Variants in FOXA1 observed in about 807,000 individuals in gnomAD.
FOXA1 encodes the protein hepatocyte nuclear factor 3-alpha.
A neutral mutation model predicts 29.2 loss-of-function variants in FOXA1; 9 were observed. The ratio of observed to expected loss-of-function variants is 0.31; its 90% CI spans 0.19 to 0.54. The LOEUF (loss-of-function observed/expected upper bound fraction) is 0.54. FOXA1 is among the 20% of genes least tolerant of loss of function. FOXA1 has a pLI of 0.95. For missense variants in FOXA1, 644 were observed against 681.2 expected (o/e 0.95, Z 0.61); for synonymous variants, 340 against 300.9 (o/e 1.13, Z -1.34).
Position 37,591,724 on chromosome 14 carries a change from A to T in FOXA1, c.1060T>A (p.Ser354Thr), listed in dbSNP as rs1242955182. The T allele has an allele frequency of 1.3e-6, 2 of 1,578,768 alleles. No individual in the cohort carries two copies. Among genetic ancestry groups the T allele is most frequent in the Admixed American group, 1.8e-5 (1 of 55,574 alleles). Reference sequence around the variant, plus strand: ...GAGCTTATGGGGGGCGCAGTTGAGGAGGCTGGAGTCTTCAACTCCGAGGCG... The same window carrying T: ...GAGCTTATGGGGGGCGCAGTTGAGGTGGCTGGAGTCTTCAACTCCGAGGCG... Reference protein sequence around the residue: ...GGASELKTPASSTAPPISSGP... With the variant: ...GGASELKTPATSTAPPISSGP... Residue 354 changes from serine to threonine, a missense_variant, in exon 2 of 2, where the codon TCC becomes ACC. Physicochemically the swap from Ser to Thr is moderately conservative, Grantham distance 58. Around this residue, in one of 5 missense-constraint regions of FOXA1, gnomAD observed 295 missense variants for 294.4 expected, o/e 1.00. Transcript: ENST00000250448.
rs201764769 is a variant in FOXA1, at chr14:37,591,776, G to A, written c.1008C>T (p.Asp336=). The part of the protein sequence containing the change: ...PGPAASPQTL[D]HSGATATGGA... Reference sequence around the variant, plus strand: ...CCCCTGTCGCCGTCGCCCCACTGTGGTCCAGAGTCTGGGGGCTGGCGGCGG... The same window carrying A: ...CCCCTGTCGCCGTCGCCCCACTGTGATCCAGAGTCTGGGGGCTGGCGGCGG... Residue 336 remains aspartate, a synonymous_variant, in exon 2 of 2, where the codon GAC becomes GAT. Transcript: ENST00000250448. 7.3e-6 allele frequency: 11 copies of A among 1,509,288 alleles called. No individual in the cohort carries two copies. The African/African-American group carries it at 1.4e-4, about 19-fold the overall frequency. 93.5% of individuals were successfully genotyped at this position (1,509,288 alleles called of 1,614,324 possible). A position where few individuals can be genotyped will look rare whatever the true frequency, so the allele number is the denominator to read the frequency against.
Position 37,592,375 on chromosome 14 carries a change from A to G in FOXA1, c.409T>C (p.Cys137Arg), listed in dbSNP as rs1473230450. Residue 137 changes from cysteine (C) to arginine (R), a missense_variant, in exon 2 of 2, where the codon TGC (cysteine) becomes CGC (arginine). Coordinates refer to ENST00000250448, the MANE Select transcript of FOXA1 (RefSeq NM_004496.5). ...GGCGCGTACGCCATGGGGCTCATGC[A>G]CGGGTTCATGGCGGCCGCGTAGGGG... ...LGPYAAAMNP[C>R]MSPMAYAPSN... 2 of 1,603,768 alleles carry G rather than the reference A, an allele frequency of 1.2e-6. No individual in the cohort carries two copies. The highest frequency in any genetic ancestry group is 4.5e-5 in the East Asian group (2 of 44,716).
At chr14:37,592,785 G>C (rs2095597407) in intron 1 of FOXA1, 74 bp from the exon 2 acceptor site, 6 of 1,583,502 alleles carry the variant, frequency 3.8e-6, no homozygotes, top group Non-Finnish European at 4.3e-6. Context: ...CGGCCGTCCG[G>C]GACCTAACCC....
chr14:37,592,463 C>T lies in FOXA1; in HGVS notation c.321G>A (p.Ala107=), dbSNP rs1454423357. ...TAAGVTAMGT[A]LSPSGMGAMG... ...TGGCGCCCATGCCGCTCGGGCTCAG[C>T]GCCGTACCCATGGCCGTCACGCCGG... is the stretch of plus-strand genomic sequence containing the variant. The change falls in exon 2 of 2, where the codon GCG becomes GCA. Residue 107 remains alanine (A), a synonymous_variant. Coordinates refer to ENST00000250448, the MANE Select transcript of FOXA1 (RefSeq NM_004496.5). 1 of 1,605,392 alleles carries T rather than the reference C, an allele frequency of 6.2e-7. No individual in the cohort carries two copies.
chr14:37,590,924 A>G lies in FOXA1; in HGVS notation c.*441T>C, dbSNP rs771564852. The G allele has an allele frequency of 1.1e-5, 4 of 363,950 alleles. No individual in the cohort carries two copies. The highest frequency in any genetic ancestry group is 1.5e-5 in the Non-Finnish European group (3 of 196,402). 22.5% of individuals were successfully genotyped at this position (363,950 alleles called of 1,614,324 possible). On this transcript the variant is annotated 3_prime_UTR_variant, in exon 2 of 2. Coordinates refer to ENST00000250448, the MANE Select transcript of FOXA1 (RefSeq NM_004496.5). ...CTTATGGTTAAGAGTATTGCCACAG[A>G]CCTGTAAACTCGTAGGGGGTCAGGT...
At position 37,592,582 on chromosome 14, in the gene FOXA1, A is replaced by G. The variant is rs2095597116; in HGVS notation, c.202T>C (p.Tyr68His). ...CCGGCCCCTAGGCCCGGGTTGGCATAGGACATGTTGAAGGACGCCGGGGTC... is the reference window on the plus strand; with the variant it reads ...CCGGCCCCTAGGCCCGGGTTGGCATGGGACATGTTGAAGGACGCCGGGGTC... Reference protein sequence around the residue: ...NMTPASFNMSYANPGLGAGLS... With the variant: ...NMTPASFNMSHANPGLGAGLS... The change falls in exon 2 of 2, where the codon TAT becomes CAT. Residue 68 changes from tyrosine to histidine, a missense_variant. Physicochemically the swap from Tyr to His is moderately conservative, Grantham distance 83. This residue lies in a region of FOXA1 where 309 missense variants were observed against 307.0 expected (regional missense o/e 1.01). Transcript: ENST00000250448. The G allele has an allele frequency of 6.2e-7, 1 of 1,614,060 alleles. No individual in the cohort carries two copies. Among genetic ancestry groups the G allele is most frequent in the African/African-American group, 1.3e-5 (1 of 74,936 alleles).
In FOXA1 at chr14:37,592,161, C is replaced by T. The variant is rs2139182380; in HGVS notation, c.623G>A (p.Arg208Gln). 6.2e-7 allele frequency: 1 copy of T among 1,613,518 alleles called. No homozygotes were observed. The highest frequency in any genetic ancestry group is 8.5e-7 in the Non-Finnish European group (1 of 1,179,734). The change falls in exon 2 of 2, where the codon CGG becomes CAG. Residue 208 changes from arginine to glutamine, a missense_variant. Around this residue, in one of 5 missense-constraint regions of FOXA1, gnomAD observed 309 missense variants for 307.0 expected, o/e 1.01. Coordinates refer to ENST00000250448, the MANE Select transcript of FOXA1 (RefSeq NM_004496.5). ...QWIMDLFPYY[R>Q]QNQQRWQNSI... is the part of the protein sequence containing the mutation. ...GTTCTGCCAGCGCTGCTGGTTCTGC[C>T]GGTAATAGGGGAAGAGGTCCATGAT... is the stretch of plus-strand genomic sequence containing the variant.
At chr14:37,594,768 C>G (rs922464543) in intron 1 of FOXA1, 133 bp downstream of exon 1, 13 of 416,342 alleles carry the variant, frequency 3.1e-5, no homozygotes, top group Non-Finnish European at 3.6e-5. Flanking sequence ...CACCGGCGGG[C>G]GGGCAGCGGT....
Position 37,592,306 on chromosome 14 carries a change from T to TGGC in FOXA1, c.475_477dup (p.Ala159dup). On this transcript the variant is annotated inframe_insertion, in exon 2 of 2. Coordinates refer to ENST00000250448, the MANE Select transcript of FOXA1 (RefSeq NM_004496.5). The stretch of plus-strand genomic sequence containing the variant: ...TGCGGGTAGCTGCGCTTGAACGTCT[T>TGGC]GGCGTCGCCGCCGCCGCCCGCGCGG... The TGGC allele has an allele frequency of 6.2e-7, 1 of 1,603,450 alleles. No homozygotes were observed. The highest frequency in any genetic ancestry group is 8.5e-7 in the Non-Finnish European group (1 of 1,175,620).
rs2139183563 is a variant in FOXA1 at position 37,592,470 on chromosome 14, C to T, written c.314G>A (p.Gly105Asp). The change falls in exon 2 of 2, where the codon GGT becomes GAT. Residue 105 changes from glycine to aspartate, a missense_variant. Transcript: ENST00000250448. ...CATGCCGCTCGGGCTCAGCGCCGTA[C>T]CCATGGCCGTCACGCCGGCCGCAGT... is the stretch of plus-strand genomic sequence containing the variant. ...SMTAAGVTAM[G>D]TALSPSGMGA... 1 of 1,607,012 alleles carries T rather than the reference C, an allele frequency of 6.2e-7. No individual in the cohort carries two copies. Among genetic ancestry groups the T allele is most frequent in the Non-Finnish European group, 8.5e-7 (1 of 1,178,932 alleles).
In FOXA1 at chr14:37,591,930, C is replaced by A. The variant is rs1369165182; in HGVS notation, c.854G>T (p.Ser285Ile). The change falls in exon 2 of 2, where the codon AGC becomes ATC. Residue 285 changes from serine to isoleucine, a missense_variant. Physicochemically the swap from Ser to Ile is moderately radical, Grantham distance 142. Around this residue, in one of 5 missense-constraint regions of FOXA1, gnomAD observed 295 missense variants for 294.4 expected, o/e 1.00. Coordinates refer to ENST00000250448, the MANE Select transcript of FOXA1 (RefSeq NM_004496.5). The part of the protein sequence containing the change: ...GGGGGSGSGG[S>I]GAKGGPESRK... ...GCTCTCAGGGCCGCCCTTGGCGCCG[C>A]TGCCCCCGCTTCCGCTCCCGCCCCC... is the stretch of plus-strand genomic sequence containing the variant. 6.7e-7 allele frequency: 1 copy of A among 1,493,100 alleles called. No individual in the cohort carries two copies. Among genetic ancestry groups the A allele is most frequent in the Non-Finnish European group, 8.9e-7 (1 of 1,125,386 alleles). 92.5% of individuals were successfully genotyped at this position (1,493,100 alleles called of 1,614,324 possible).
rs2095593949 is a variant in FOXA1 at position 37,589,691 on chromosome 14, A to C, written c.*1674T>G. Among the ~76,000 whole-genome samples the C allele has an allele frequency of 6.7e-6, 1 of 150,076 alleles. No individual in the cohort carries two copies. The highest frequency in any genetic ancestry group is 2.5e-5 in the African/African-American group (1 of 40,520). On this transcript the variant is annotated 3_prime_UTR_variant, in exon 2 of 2. Coordinates refer to ENST00000250448, the MANE Select transcript of FOXA1 (RefSeq NM_004496.5). ...TTGATTTTGTAGTGAAAAGGCTCAA[A>C]GGAAACACAGAAGGCTTAAGCCGGT...
chr14:37,594,984 C>G lies in FOXA1; in HGVS notation c.-12G>C, dbSNP rs371235829. 148 of 1,577,592 alleles carry G rather than the reference C, an allele frequency of 9.4e-5. 1 individual carries two copies. The highest frequency in any genetic ancestry group is 1.2e-4 in the Non-Finnish European group (137 of 1,156,402). ...ACAGTTCCTAACATCCTGGAGCCAC[C>G]CTGCCCAATACAACCATCCAGCCCT... On this transcript the variant is annotated 5_prime_UTR_variant, in exon 1 of 2. Coordinates refer to ENST00000250448, the MANE Select transcript of FOXA1 (RefSeq NM_004496.5).
Position 37,595,202 on chromosome 14 carries a change from A to T in FOXA1, c.-230T>A, listed in dbSNP as rs1404271040. The T allele has an allele frequency of 5.0e-6, 1 of 198,362 alleles. No individual in the cohort carries two copies. The highest frequency in any genetic ancestry group is 2.4e-5 in the African/African-American group (1 of 41,588). 12.3% of individuals were successfully genotyped at this position (198,362 alleles called of 1,614,324 possible). A position where few individuals can be genotyped will look rare whatever the true frequency, so the allele number is the denominator to read the frequency against. ...CGCCGGGGGCAGGCGGCTGCCGCGG[A>T]GCGCGGCGCCGGGGAGCGCCTCCGC... On this transcript the variant is annotated 5_prime_UTR_variant, in exon 1 of 2. Transcript: ENST00000250448.
In FOXA1 at chr14:37,595,135, C is replaced by A; in HGVS notation, c.-163G>T. 4.5e-6 allele frequency: 1 copy of A among 222,202 alleles called. No homozygotes were observed. The highest frequency in any genetic ancestry group is 6.3e-6 in the Non-Finnish European group (1 of 158,962). The allele number at this position is 222,202 out of a possible 1,614,324, so 13.8% of individuals were successfully genotyped here. A position where few individuals can be genotyped will look rare whatever the true frequency, so the allele number is the denominator to read the frequency against. The stretch of plus-strand genomic sequence containing the variant: ...AGAGGAAGCCCAGAGCTGCGGGGCG[C>A]GGCGTGCGCGGCGGCGGCGGCGGCG... On this transcript the variant is annotated 5_prime_UTR_variant, in exon 1 of 2. Coordinates refer to ENST00000250448, the MANE Select transcript of FOXA1 (RefSeq NM_004496.5).
rs1286708161 is a variant in FOXA1, at chr14:37,591,558, G to A, written c.1226C>T (p.Ser409Leu). The change falls in exon 2 of 2, where the codon TCG becomes TTG. Residue 409 changes from serine (S) to leucine (L), a missense_variant. By Grantham distance (145) the Ser-to-Leu change is moderately radical. Coordinates refer to ENST00000250448, the MANE Select transcript of FOXA1 (RefSeq NM_004496.5). ...GAAGTCCAGCTTATGCTGCTGCTCCGAGGAGGACATGAGGTTGTTGATGGA... is the reference window on the plus strand; with the variant it reads ...GAAGTCCAGCTTATGCTGCTGCTCCAAGGAGGACATGAGGTTGTTGATGGA... ...PFSINNLMSS[S>L]EQQHKLDFKA... The A allele has an allele frequency of 1.9e-6, 3 of 1,614,232 alleles. No individual in the cohort carries two copies. Among genetic ancestry groups the A allele is most frequent in the Admixed American group, 1.7e-5 (1 of 60,034 alleles).
Position 37,595,029 on chromosome 14 carries a change from C to T in FOXA1, c.-57G>A. On this transcript the variant is annotated 5_prime_UTR_variant, in exon 1 of 2. Coordinates refer to ENST00000250448, the MANE Select transcript of FOXA1 (RefSeq NM_004496.5). ...AGCCCTGTGCGAAGCGACGGGCGGC[C>T]GCGCGGCGCGGGGCGGGGGAGGGGA... 2.0e-6 allele frequency: 3 copies of T among 1,490,050 alleles called. No homozygotes were observed. The highest frequency in any genetic ancestry group is 1.2e-5 in the South Asian group (1 of 83,640). 92.3% of individuals were successfully genotyped at this position (1,490,050 alleles called of 1,614,324 possible).
rs2139180275 is a variant in FOXA1 at position 37,591,654 on chromosome 14, T to A, written c.1130A>T (p.His377Leu). The change falls in exon 2 of 2, where the codon CAC becomes CTC. Residue 377 changes from histidine to leucine, a missense_variant. By Grantham distance (99) the His-to-Leu change is moderately conservative. This residue lies in a region of FOXA1 where 295 missense variants were observed against 294.4 expected (regional missense o/e 1.00). Coordinates refer to ENST00000250448, the MANE Select transcript of FOXA1 (RefSeq NM_004496.5). ...LASVPASHPA[H>L]GLAPHESQLH... ...CTGGGACTCGTGGGGTGCCAAGCCG[T>A]GTGCCGGGTGAGAGGCGGGCACAGA... is the stretch of plus-strand genomic sequence containing the variant. 6.3e-7 allele frequency: 1 copy of A among 1,595,454 alleles called. No individual in the cohort carries two copies. Among genetic ancestry groups the A allele is most frequent in the Non-Finnish European group, 8.5e-7 (1 of 1,170,622 alleles).
At position 37,591,015 on chromosome 14, in the gene FOXA1, A is replaced by C; in HGVS notation, c.*350T>G. On this transcript the variant is annotated 3_prime_UTR_variant, in exon 2 of 2. Transcript: ENST00000250448. ...GACCATCTTCCTTTTTTGTTTTTTT[A>C]AATAACCCTCCACAAACTAGAATGT... 2.4e-6 allele frequency: 1 copy of C among 408,340 alleles called. No homozygotes were observed. Among genetic ancestry groups the C allele is most frequent in the Non-Finnish European group, 4.5e-6 (1 of 221,532 alleles). 25.3% of individuals were successfully genotyped at this position (408,340 alleles called of 1,614,324 possible). A position where few individuals can be genotyped will look rare whatever the true frequency, so the allele number is the denominator to read the frequency against.
Sources: allele counts gnomAD v4.1 joint callset (sites outside exome capture counted in the v4.1 genomes callset), GRCh38; gene constraint gnomAD v4.1.1; regional missense constraint gnomAD v4.1.1; transcripts MANE v1.5; gene names NCBI Gene and HGNC (gene_info 2026-07-23, HGNC 2026-07-21).